Variants in SPTA1 observed in about 807,000 individuals in gnomAD.
SPTA1 encodes the protein spectrin alpha, erythrocytic 1, also known as spectrin alpha chain, erythrocytic 1.
SPTA1 carries 177 observed loss-of-function variants against 324.7 expected under a neutral mutation model. That is an observed-to-expected ratio of 0.55 (90% CI 0.48 to 0.62). The LOEUF (loss-of-function observed/expected upper bound fraction) is 0.62. Ranked by LOEUF, SPTA1 falls within the 20% of genes least tolerant of loss-of-function variation. SPTA1 has a pLI of 0.00. For synonymous variants in SPTA1, 1,195 were observed against 1,041.3 expected (o/e 1.15, Z -2.84); for missense variants, 3,162 against 2,883.6 (o/e 1.10, Z -2.21).
intron 18 of SPTA1, among the ~76,000 whole-genome samples, chr1:158,658,773 A>T (rs1653004961): frequency 6.6e-6 from 1 of 152,204 alleles, no homozygotes; most frequent in Admixed American, 6.5e-5. Flanking sequence ...TATTACATAC[A>T]GAGGAGCAAA....
At position 158,685,902 on chromosome 1, in the gene SPTA1, T is replaced by C. The variant is rs144217254; in HGVS notation, c.25-555A>G. ...ACACTATAAATCAAAAGTTCAGCTATCTTCTGCCCAATTGTCACAAATTTC... is the reference window on the plus strand; with the variant it reads ...ACACTATAAATCAAAAGTTCAGCTACCTTCTGCCCAATTGTCACAAATTTC... On this transcript the variant is annotated intron_variant, in intron 1 of 51. Transcript: ENST00000643759. Among the ~76,000 whole-genome samples the C allele has an allele frequency of 4.0e-3, 615 of 152,334 alleles. 7 individuals carry two copies. Among genetic ancestry groups the C allele is most frequent in the African/African-American group, 0.014 (585 of 41,590 alleles).
At chr1:158,676,340 A>C in intron 7 of SPTA1, 45 bp from the exon 8 acceptor site, 1 of 1,609,240 alleles carries the variant, frequency 6.2e-7, no homozygotes, top group Middle Eastern at 1.8e-4. Context: ...AAGTACTCTG[A>C]CTCCCCCTGG....
In SPTA1 at chr1:158,669,517, C is replaced by T. The variant is rs775896025; in HGVS notation, c.1724G>A (p.Arg575His). 1.5e-5 allele frequency: 25 copies of T among 1,613,998 alleles called. No homozygotes were observed. The highest frequency in any genetic ancestry group is 3.3e-5 in the Admixed American group (2 of 59,988). The change falls in exon 14 of 52, where the codon CGT (arginine) becomes CAT (histidine). Residue 575 changes from arginine to histidine, a missense_variant. Physicochemically the swap from Arg to His is conservative, Grantham distance 29. Transcript: ENST00000643759. ...AAGCAATGACTCCTTCAGCAATCTACGTCTAGTGGCAGCCTTTTCACGTAG... is the reference window on the plus strand; with the variant it reads ...AAGCAATGACTCCTTCAGCAATCTATGTCTAGTGGCAGCCTTTTCACGTAG... ...DALREKAATRRRLLKESLLLQ... is the reference protein window; with the variant it reads ...DALREKAATRHRLLKESLLLQ...
intron 15 of SPTA1, among the ~76,000 whole-genome samples, chr1:158,667,366 C>T (rs1653683106): frequency 6.6e-6 from 1 of 152,134 alleles, no homozygotes; most frequent in African/African-American, 2.4e-5. Flanking sequence ...GATCTTATAG[C>T]AAGCCTAAAC....
At chr1:158,641,620 A>G (rs1041725467) in intron 33 of SPTA1, among the ~76,000 whole-genome samples, 3 of 152,220 alleles carry the variant, frequency 2.0e-5, no homozygotes, top group African/African-American at 7.2e-5. Context: ...ATACCATCTC[A>G]CACCAGTTAG....
intron 18 of SPTA1, among the ~76,000 whole-genome samples, chr1:158,660,546 GAGA>G (rs943478389): frequency 1.3e-5 from 2 of 152,214 alleles, no homozygotes; most frequent in African/African-American, 2.4e-5. Context: ...GAACTGAAAA[GAGA>G]AGAAGACAAA....
chr1:158,613,442 C>T (rs1557917697), intron 50 of SPTA1, among the ~76,000 whole-genome samples: 1 of 152,106 alleles, frequency 6.6e-6, no homozygotes, highest in East Asian at 1.9e-4. Context: ...AGGGATTCTT[C>T]TCTCTAGTCT....
In SPTA1 at chr1:158,666,377, G is replaced by A. The variant is rs1450597767; in HGVS notation, c.2159C>T (p.Ala720Val). ...TTTCCTGAGTCGATTCTGTACCTCG[G>A]CCAGGCCTTTCCCATAATCCTCAGA... ...VTSEDYGKGL[A>V]EVQNRLRKHG... Residue 720 changes from alanine (A) to valine (V), a missense_variant, in exon 16 of 52, where the codon GCC becomes GTC. Ala to Val is a moderately conservative substitution (Grantham distance 64, BLOSUM62 0). Coordinates refer to ENST00000643759, the MANE Select transcript of SPTA1 (RefSeq NM_003126.4). The A allele has an allele frequency of 8.1e-6, 13 of 1,613,758 alleles. No individual in the cohort carries two copies. Among genetic ancestry groups the A allele is most frequent in the Non-Finnish European group, 1.7e-6 (2 of 1,179,972 alleles).
chr1:158,647,459 A>G (rs1652079579), intron 27 of SPTA1, 80 bp downstream of exon 27: 1 of 1,562,914 alleles, frequency 6.4e-7, no homozygotes, highest in African/African-American at 1.4e-5. Flanking sequence ...CAAAACCAGC[A>G]GTGAACAGCA....
intron 18 of SPTA1, among the ~76,000 whole-genome samples, chr1:158,658,371 A>G (rs548166563): frequency 6.6e-6 from 1 of 152,296 alleles, no homozygotes; most frequent in South Asian, 2.1e-4. Flanking sequence ...GAAGTTCCCT[A>G]GAGTATTTGT....
In SPTA1 at chr1:158,661,293, C is replaced by G. The variant is rs192979264; in HGVS notation, c.2581G>C (p.Glu861Gln). 6.2e-7 allele frequency: 1 copy of G among 1,613,912 alleles called. No individual in the cohort carries two copies. Among genetic ancestry groups the G allele is most frequent in the African/African-American group, 1.3e-5 (1 of 75,004 alleles). ...EITERGNKMV[E>Q]EGHFAAEDVA... ...GAATCTCAATCATACATACCTTCCT[C>G]TACCATTTTGTTTCCCCTTTCTGTT... The change falls in exon 18 of 52, where the codon GAG becomes CAG. Residue 861 changes from glutamate to glutamine, a missense_variant. Transcript: ENST00000643759.
At chr1:158,648,791 T>C (rs1652198463) in intron 25 of SPTA1, 138 bp from the exon 26 acceptor site, 1 of 856,590 alleles carries the variant, frequency 1.2e-6, no homozygotes, top group Non-Finnish European at 1.8e-6. Context: ...TTATCATCAT[T>C]GTTTTTTATG....
intron 36 of SPTA1, 38 bp downstream of exon 36, chr1:158,637,995 T>C (rs1383479734): frequency 1.2e-6 from 2 of 1,600,112 alleles, no homozygotes; most frequent in South Asian, 1.1e-5. Context: ...ATCTACTCGC[T>C]TGTATTATCC....
At chr1:158,685,705 G>A (rs943324194) in intron 1 of SPTA1, among the ~76,000 whole-genome samples, 1 of 152,000 alleles carries the variant, frequency 6.6e-6, no homozygotes, top group African/African-American at 2.4e-5. Context: ...TTGCTTTCAA[G>A]GGCTAAAAAG....
At chr1:158,667,744 A>G in intron 15 of SPTA1, 114 bp downstream of exon 15, 2 of 1,130,986 alleles carry the variant, frequency 1.8e-6, no homozygotes, top group Non-Finnish European at 2.5e-6. Flanking sequence ...ATGGAAGCAA[A>G]TGAGTAGTAT....
At chr1:158,675,122 A>T (rs565049261) in intron 8 of SPTA1, among the ~76,000 whole-genome samples, 2 of 152,316 alleles carry the variant, frequency 1.3e-5, no homozygotes, top group East Asian at 3.9e-4. Flanking sequence ...AAGAGCTGCA[A>T]AACAGTTTCC....
intron 47 of SPTA1, among the ~76,000 whole-genome samples, chr1:158,616,686 G>T (rs1224443475): frequency 2.0e-5 from 3 of 152,072 alleles, no homozygotes; most frequent in Non-Finnish European, 4.4e-5. Context: ...TTTGGCTATT[G>T]TGAATAGTCT....
chr1:158,665,347 A>C (rs938842238), intron 16 of SPTA1, among the ~76,000 whole-genome samples: 1 of 152,156 alleles, frequency 6.6e-6, no homozygotes, highest in African/African-American at 2.4e-5. Context: ...TATACAAATG[A>C]CTTTTTTCCT....
At chr1:158,624,311 C>A (rs1490392506) in intron 42 of SPTA1, among the ~76,000 whole-genome samples, 1 of 152,176 alleles carries the variant, frequency 6.6e-6, no homozygotes. Flanking sequence ...AAGCTGTAGA[C>A]AATCAATGCC....
Sources: allele counts gnomAD v4.1 joint callset (sites outside exome capture counted in the v4.1 genomes callset), GRCh38; gene constraint gnomAD v4.1.1; transcripts MANE v1.5; gene names NCBI Gene and HGNC (gene_info 2026-07-23, HGNC 2026-07-21).